PLEKHA7: variants seen among roughly 807,000 people sequenced by gnomAD.
PLEKHA7 encodes the protein pleckstrin homology domain-containing family A member 7.
Under a neutral mutation model 170.0 loss-of-function variants are expected in PLEKHA7, and 104 were observed. The ratio of observed to expected loss-of-function variants is 0.61; its 90% CI spans 0.52 to 0.72. PLEKHA7 has a LOEUF of 0.72. PLEKHA7 is among the 30% of genes least tolerant of loss of function. The pLI, the probability that PLEKHA7 is intolerant of heterozygous loss-of-function variation, is 0.00. For synonymous variants in PLEKHA7, 648 were observed against 660.8 expected (o/e 0.98, Z 0.30); for missense variants, 1,615 against 1,671.7 (o/e 0.97, Z 0.59).
At chr11:16,889,186 T>C (rs2079235) in intron 3 of PLEKHA7, among the ~76,000 whole-genome samples, 45,009 of 122,446 alleles carry the variant, frequency 0.37, 8,114 homozygotes, top group East Asian at 0.65. Context: ...TCAATCAACT[T>C]TGTGACATTC....
chr11:16,875,843 A>G (rs1020792009), intron 3 of PLEKHA7, among the ~76,000 whole-genome samples: 6 of 152,124 alleles, frequency 3.9e-5, no homozygotes, highest in African/African-American at 1.4e-4. Context: ...TCCCTGGGCG[A>G]TTCCATTCAA....
intron 8 of PLEKHA7, among the ~76,000 whole-genome samples, chr11:16,845,452 C>T (rs1432475558): frequency 6.6e-6 from 1 of 152,188 alleles, no homozygotes; most frequent in Non-Finnish European, 1.5e-5. Context: ...CTGCAACCTT[C>T]GCCTCCCTGG....
rs1849899180 is a variant in PLEKHA7, at chr11:16,817,979, A to G, written c.1344-657T>C. The stretch of plus-strand genomic sequence containing the variant: ...CAGCTGACCTCAACACCCACCTTGC[A>G]GGCCTGCTGTTTTCTCACTGCTCTT... On this transcript the variant is annotated intron_variant, in intron 10 of 26. Transcript: ENST00000531066. The surrounding 1 kb of genome is among the most constrained non-coding windows in gnomAD (Gnocchi z 4.4). Among the ~76,000 whole-genome samples, 1 of 152,120 alleles carries G rather than the reference A, an allele frequency of 6.6e-6. No individual in the cohort carries two copies. Among genetic ancestry groups the G allele is most frequent in the South Asian group, 2.1e-4 (1 of 4,832 alleles).
Position 16,782,896 on chromosome 11 carries a change from G to C in PLEKHA7, c.3651C>G (p.Ser1217Arg). The change falls in exon 26 of 27, where the codon AGC (serine) becomes AGG (arginine). Residue 1217 changes from serine (S) to arginine (R), a missense_variant and splice_region_variant. Transcript: ENST00000531066. ...EKIRNILARS[S>R]MCNLQPTSGQ... Reference sequence around the variant, plus strand: ...CTGAGGTCGGCTGTAGGTTGCACATGCTGTAGGAGGGTCGGAAGCAGACCA... The same window carrying C: ...CTGAGGTCGGCTGTAGGTTGCACATCCTGTAGGAGGGTCGGAAGCAGACCA... 6.5e-7 allele frequency: 1 copy of C among 1,535,960 alleles called. No individual in the cohort carries two copies. The highest frequency in any genetic ancestry group is 8.7e-7 in the Non-Finnish European group (1 of 1,146,752).
intron 3 of PLEKHA7, among the ~76,000 whole-genome samples, chr11:16,923,164 CAGGCCATCTTGGCT>C (rs1215475859): frequency 6.6e-6 from 1 of 152,220 alleles, no homozygotes; most frequent in Non-Finnish European, 1.5e-5. Context: ...GTAGCTGCCC[CAGGCCATCTTGGCT>C]GGGCCATTAT....
chr11:16,917,472 C>T (rs1858772363), intron 3 of PLEKHA7, among the ~76,000 whole-genome samples: 1 of 152,194 alleles, frequency 6.6e-6, no homozygotes, highest in African/African-American at 2.4e-5. Flanking sequence ...GTCAGCAGAG[C>T]CGTGCTCCTC....
At chr11:16,931,755 T>C (rs1421458174) in intron 3 of PLEKHA7, among the ~76,000 whole-genome samples, 57 of 124,662 alleles carry the variant, frequency 4.6e-4, no homozygotes, top group African/African-American at 1.4e-3. Flanking sequence ...TGAGATTCCA[T>C]CCCCCCCCCC....
At chr11:16,819,229 C>T (rs1481897391) in intron 10 of PLEKHA7, among the ~76,000 whole-genome samples, 1 of 152,162 alleles carries the variant, frequency 6.6e-6, no homozygotes, top group Non-Finnish European at 1.5e-5. Context: ...TCCTGAGTAG[C>T]TGGGACTATA....
intron 13 of PLEKHA7, 31 bp downstream of exon 13, chr11:16,813,082 C>T: frequency 6.2e-7 from 1 of 1,602,962 alleles, no homozygotes; most frequent in South Asian, 1.1e-5. Context: ...GGTGAGTATG[C>T]AAGGAAGGCA....
chr11:16,869,026 G>A (rs1854619524), intron 4 of PLEKHA7, among the ~76,000 whole-genome samples: 1 of 152,208 alleles, frequency 6.6e-6, no homozygotes. Flanking sequence ...ACAGGCACCT[G>A]TGTCTCCGGG....
intron 3 of PLEKHA7, among the ~76,000 whole-genome samples, chr11:17,001,780 G>A (rs1864677330): frequency 6.7e-6 from 1 of 149,866 alleles, no homozygotes; most frequent in Admixed American, 6.6e-5. Flanking sequence ...AGCAGCCCCA[G>A]GAAGAGACTG....
chr11:16,994,375 T>G (rs2136980720), intron 3 of PLEKHA7, among the ~76,000 whole-genome samples: 1 of 152,284 alleles, frequency 6.6e-6, no homozygotes, highest in African/African-American at 2.4e-5. Context: ...TCTTCATCCC[T>G]TCTATTTTAC....
chr11:16,972,804 C>T (rs10741717), intron 3 of PLEKHA7, among the ~76,000 whole-genome samples: 110,622 of 152,066 alleles, frequency 0.73, 40,503 homozygotes, highest in East Asian at 0.87. Context: ...AATACAATTA[C>T]ACACGTGCTG....
intron 9 of PLEKHA7, among the ~76,000 whole-genome samples, chr11:16,828,892 A>C (rs1850877547): frequency 6.6e-6 from 1 of 152,234 alleles, no homozygotes; most frequent in African/African-American, 2.4e-5. Flanking sequence ...TGAAGTTAAC[A>C]CAAAGGAAAG....
chr11:16,956,700 C>G (rs529995658), intron 3 of PLEKHA7, among the ~76,000 whole-genome samples: 1 of 152,202 alleles, frequency 6.6e-6, no homozygotes, highest in East Asian at 1.9e-4. Context: ...AGTCTACTCC[C>G]GCCTGGGCCC....
At chr11:16,915,243 CT>C (rs1309856037) in intron 3 of PLEKHA7, among the ~76,000 whole-genome samples, 1 of 152,210 alleles carries the variant, frequency 6.6e-6, no homozygotes, top group African/African-American at 2.4e-5. Flanking sequence ...CTCTTATCTC[CT>C]TTTACAGACA....
At position 16,877,774 on chromosome 11, in the gene PLEKHA7, A is replaced by C. The variant is rs530822234; in HGVS notation, c.222-6592T>G. On this transcript the variant is annotated intron_variant, in intron 3 of 26. Transcript: ENST00000531066. The stretch of plus-strand genomic sequence containing the variant: ...AGTCAGCCCAGAGCCCTAGGGTCAG[A>C]AGATCTGGGTTCAAACCAGATAAGC... 5.3e-5 allele frequency among the ~76,000 whole-genome samples: 8 copies of C among 152,344 alleles called. No individual in the cohort carries two copies. The South Asian group carries it at 1.7e-3, about 32-fold the overall frequency.
At chr11:17,006,411 G>C (rs1396910500) in intron 3 of PLEKHA7, among the ~76,000 whole-genome samples, 4 of 151,566 alleles carry the variant, frequency 2.6e-5, no homozygotes, top group Non-Finnish European at 5.9e-5. Flanking sequence ...CGGATTGCCT[G>C]AGGTTAGGAG....
chr11:16,840,913 G>GT (rs1345819826), intron 9 of PLEKHA7, among the ~76,000 whole-genome samples: 3 of 152,282 alleles, frequency 2.0e-5, no homozygotes, highest in South Asian at 4.1e-4. Flanking sequence ...TAGGTTACAA[G>GT]AGAATACACT....
Sources: allele counts gnomAD v4.1 joint callset (sites outside exome capture counted in the v4.1 genomes callset), GRCh38; gene constraint gnomAD v4.1.1; non-coding constraint Gnocchi (gnomAD v3.1); transcripts MANE v1.5; gene names NCBI Gene and HGNC (gene_info 2026-07-23, HGNC 2026-07-21).